The following DHX34 variants were observed in gnomAD, a reference collection of about 807,000 sequenced individuals.
DHX34 encodes the protein probable ATP-dependent RNA helicase DHX34.
In DHX34, 96 loss-of-function variants were observed where a neutral mutation model predicts 111.1. That is an observed-to-expected ratio of 0.86 (90% CI 0.73 to 1.02). DHX34 has a LOEUF of 1.02. DHX34 is among the 50% of genes least tolerant of loss of function. The probability of loss-of-function intolerance (pLI) is 0.00; values close to 1 mark genes in which losing one functional copy is unlikely to be tolerated. For synonymous variants in DHX34, 688 were observed against 670.4 expected, an observed-to-expected ratio of 1.03 and a Z score of -0.41; for missense variants, 1,560 against 1,579.9, an observed-to-expected ratio of 0.99 and a Z score of 0.21.
intron 5 of DHX34, among the ~76,000 whole-genome samples, chr19:47,361,581 C>CCAGCCTGGCCAA (rs1969632738): frequency 6.6e-6 from 1 of 151,906 alleles, no homozygotes. Context: ...GAGTTCAAGA[C>CCAGCCTGGCCAA]CAGCCTGGCC....
Position 47,375,468 on chromosome 19 carries a change from G to T in DHX34, c.2067G>T (p.Glu689Asp). ...CACCCCTACCCACCTGCCCCTAGGA[G>T]CTGTTGGAGGACCACGGGCTGCTGG... ...EMANLRRQFK[E>D]LLEDHGLLAG... The change falls in exon 10 of 17, where the codon GAG becomes GAT. Residue 689 changes from glutamate (E) to aspartate (D), a missense_variant and splice_region_variant. Transcript: ENST00000328771. 1 of 1,582,960 alleles carries T rather than the reference G, an allele frequency of 6.3e-7. No individual in the cohort carries two copies. Among genetic ancestry groups the T allele is most frequent in the Non-Finnish European group, 8.5e-7 (1 of 1,171,864 alleles).
At chr19:47,352,108 C>G (rs1969305890) in intron 1 of DHX34, among the ~76,000 whole-genome samples, 1 of 152,188 alleles carries the variant, frequency 6.6e-6, no homozygotes, top group African/African-American at 2.4e-5. Flanking sequence ...GCCATGTGAC[C>G]TACATCTCTC....
chr19:47,361,549 C>T (rs911731264), intron 5 of DHX34, among the ~76,000 whole-genome samples: 1 of 152,032 alleles, frequency 6.6e-6, no homozygotes, highest in Non-Finnish European at 1.5e-5. Flanking sequence ...GAGGCTGAGG[C>T]AGGTGGATCA....
At chr19:47,350,677 C>T (rs1277501277) in intron 1 of DHX34, among the ~76,000 whole-genome samples, 1 of 152,092 alleles carries the variant, frequency 6.6e-6, no homozygotes, top group Non-Finnish European at 1.5e-5. Context: ...GCCTCAGCCT[C>T]CCAAAGTGCT....
chr19:47,360,577 C>G (rs560533368), intron 5 of DHX34, among the ~76,000 whole-genome samples: 33 of 152,272 alleles, frequency 2.2e-4, no homozygotes, highest in Non-Finnish European at 3.7e-4. Context: ...AAATGTCCAC[C>G]CGTCAGAGAG....
At chr19:47,357,216 A>G (rs1303985248) in intron 3 of DHX34, among the ~76,000 whole-genome samples, 1 of 150,846 alleles carries the variant, frequency 6.6e-6, no homozygotes, top group Admixed American at 6.6e-5. Context: ...TGGTTTCATC[A>G]CCTAGAATAT....
At chr19:47,364,649 G>A (rs962776317) in intron 6 of DHX34, among the ~76,000 whole-genome samples, 1 of 152,000 alleles carries the variant, frequency 6.6e-6, no homozygotes, top group Admixed American at 6.6e-5. Flanking sequence ...GAGGCAGGAG[G>A]ATCGCTAGAG....
chr19:47,352,906 G>A lies in DHX34; in HGVS notation c.-125G>A, dbSNP rs956007318. ...GTGCCGTGACCAGGAGGAAAAATTA[G>A]CTCTTTGAAGAGAAAGTAGTTCTCT... On this transcript the variant is annotated 5_prime_UTR_variant, in exon 2 of 17. Coordinates refer to ENST00000328771, the MANE Select transcript of DHX34 (RefSeq NM_014681.6). The A allele has an allele frequency of 7.6e-6, 11 of 1,447,832 alleles. No homozygotes were observed. The highest frequency in any genetic ancestry group is 1.5e-5 in the South Asian group (1 of 66,510). 89.7% of individuals were successfully genotyped at this position (1,447,832 alleles called of 1,614,324 possible).
At position 47,375,566 on chromosome 19, in the gene DHX34, AC is replaced by A; in HGVS notation, c.2167del (p.Gln723SerfsTer2). The A allele has an allele frequency of 6.5e-7, 1 of 1,547,816 alleles. No individual in the cohort carries two copies. The highest frequency in any genetic ancestry group is 8.7e-7 in the Non-Finnish European group (1 of 1,150,956). On this transcript the variant is annotated frameshift_variant, in exon 10 of 17. Transcript: ENST00000328771. LOFTEE classifies it high-confidence loss of function. Reference protein sequence around the residue: ...LQQRRERRALHQLKRQHEEGA... With the variant: ...LQQRRERRALXQLKRQHEEGA... ...CAGCGCCGGGAGCGCCGGGCCCTGC[AC>A]CAGCTGAAACGCCAGCACGAGGAGG...
At chr19:47,370,015 T>G (rs1969916870) in intron 7 of DHX34, among the ~76,000 whole-genome samples, 1 of 152,006 alleles carries the variant, frequency 6.6e-6, no homozygotes, top group Admixed American at 6.6e-5. Context: ...CTTGAGGGAT[T>G]TGGGGCCAGC....
intron 6 of DHX34, among the ~76,000 whole-genome samples, chr19:47,364,459 C>T (rs951041825): frequency 7.9e-5 from 12 of 151,980 alleles, no homozygotes; most frequent in African/African-American, 9.7e-5. Context: ...CTAGTGCTGC[C>T]GGGCACAATG....
intron 11 of DHX34, 127 bp from the exon 12 acceptor site, chr19:47,376,316 C>T: frequency 6.6e-7 from 1 of 1,526,022 alleles, no homozygotes; most frequent in Non-Finnish European, 8.8e-7. Flanking sequence ...GGCATCTGCC[C>T]CAGATTTGGA....
intron 4 of DHX34, among the ~76,000 whole-genome samples, chr19:47,358,517 G>C (rs560179330): frequency 1.3e-5 from 2 of 151,438 alleles, no homozygotes; most frequent in South Asian, 2.1e-4. Context: ...GCAGTGGCAC[G>C]ATCAGGGCTC....
intron 13 of DHX34, among the ~76,000 whole-genome samples, chr19:47,377,848 C>A (rs1408860675): frequency 6.6e-6 from 1 of 151,934 alleles, no homozygotes; most frequent in African/African-American, 2.4e-5. Context: ...TGAGGCCGAA[C>A]TCAGATCATG....
chr19:47,381,354 C>G (rs748149236), intron 16 of DHX34, 30 bp downstream of exon 16: 8 of 1,598,292 alleles, frequency 5.0e-6, no homozygotes, highest in African/African-American at 1.3e-5. Context: ...GACCCGGCCA[C>G]CTCTGCCCAG....
intron 3 of DHX34, among the ~76,000 whole-genome samples, chr19:47,355,807 G>A (rs1969440210): frequency 6.6e-6 from 1 of 151,836 alleles, no homozygotes; most frequent in Non-Finnish European, 1.5e-5. Context: ...AGCCGAGATC[G>A]CGCCACTGCA....
intron 9 of DHX34, 43 bp from the exon 10 acceptor site, chr19:47,375,423 T>A: frequency 6.5e-7 from 1 of 1,530,210 alleles, no homozygotes; most frequent in Non-Finnish European, 8.7e-7. Context: ...CAGAGCCCAC[T>A]GAGTCTGCCC....
intron 7 of DHX34, 159 bp from the exon 8 acceptor site, chr19:47,372,571 G>T (rs145796649): frequency 7.1e-6 from 7 of 982,374 alleles, no homozygotes; most frequent in African/African-American, 1.8e-5. Flanking sequence ...AGCACAGCGC[G>T]TGGGTTTGAA....
chr19:47,349,404 C>G (rs1243013877), intron 1 of DHX34, 52 bp downstream of exon 1: 1 of 151,956 alleles, frequency 6.6e-6, no homozygotes, highest in East Asian at 1.9e-4. Flanking sequence ...CGATGGCTGT[C>G]GGAGTTGGGC....
Sources: allele counts gnomAD v4.1 joint callset (sites outside exome capture counted in the v4.1 genomes callset), GRCh38; gene constraint gnomAD v4.1.1; transcripts MANE v1.5; gene names NCBI Gene and HGNC (gene_info 2026-07-23, HGNC 2026-07-21).